Variants in MCPH1 observed in about 807,000 individuals in gnomAD.
The protein encoded by MCPH1 is microcephalin 1.
In MCPH1, 104 loss-of-function variants were observed where a neutral mutation model predicts 84.5. That is an observed-to-expected ratio of 1.23 (90% confidence interval 1.05 to 1.45). MCPH1 has a LOEUF of 1.45. Among genes scored for constraint, MCPH1 ranks in the 40% most tolerant of loss-of-function variants. The probability of loss-of-function intolerance (pLI) is 0.00; values close to 1 mark genes in which losing one functional copy is unlikely to be tolerated. For missense variants in MCPH1, 1,498 were observed against 1,005.7 expected (o/e 1.49, Z -6.62); for synonymous variants, 514 against 366.8 (o/e 1.40, Z -4.58).
At chr8:6,475,442 T>C (rs1426214650) in intron 9 of MCPH1, among the ~76,000 whole-genome samples, 3 of 152,218 alleles carry the variant, frequency 2.0e-5, no homozygotes, top group African/African-American at 2.4e-5. Context: ...TGACCATCGC[T>C]CTGGTGCTCA....
At chr8:6,493,460 G>T (rs1315926379) in intron 11 of MCPH1, among the ~76,000 whole-genome samples, 8 of 152,136 alleles carry the variant, frequency 5.3e-5, no homozygotes. Flanking sequence ...CTTCTAAAAG[G>T]GAAATGGGTT....
intron 12 of MCPH1, among the ~76,000 whole-genome samples, chr8:6,583,858 T>G (rs1354887990): frequency 6.8e-6 from 1 of 147,780 alleles, no homozygotes; most frequent in Non-Finnish European, 1.5e-5. Context: ...TCTTGTTTTG[T>G]TTTTTTTTTT....
Position 6,645,759 on chromosome 8 carries a change from G to C in MCPH1, c.*2710G>C, listed in dbSNP as rs1356073480. The C allele has an allele frequency of 6.6e-6, 1 of 151,854 alleles. No homozygotes were observed. Among genetic ancestry groups the C allele is most frequent in the Non-Finnish European group, 1.5e-5 (1 of 67,980 alleles). 9.4% of individuals were successfully genotyped at this position (151,854 alleles called of 1,614,324 possible). A position where few individuals can be genotyped will look rare whatever the true frequency, so the allele number is the denominator to read the frequency against. Reference sequence around the variant, plus strand: ...AATAAGCAATTCAAAATGAAATTAAGACCACGATTCCATTTAAAATTGCAT... The same window carrying C: ...AATAAGCAATTCAAAATGAAATTAACACCACGATTCCATTTAAAATTGCAT... On this transcript the variant is annotated 3_prime_UTR_variant, in exon 14 of 14. Coordinates refer to ENST00000344683, the MANE Select transcript of MCPH1 (RefSeq NM_024596.5).
chr8:6,637,197 T>C (rs150355230), intron 13 of MCPH1, among the ~76,000 whole-genome samples: 1 of 152,218 alleles, frequency 6.6e-6, no homozygotes, highest in Non-Finnish European at 1.5e-5. Flanking sequence ...ATACAGCCTT[T>C]GCCCTTGTGG....
chr8:6,462,117 T>TG (rs1806360370), intron 9 of MCPH1, among the ~76,000 whole-genome samples: 1 of 152,196 alleles, frequency 6.6e-6, no homozygotes, highest in South Asian at 2.1e-4. Context: ...CCTGGAGGCC[T>TG]GGAGAGATGT....
chr8:6,487,970 T>C (rs546184354), intron 11 of MCPH1, among the ~76,000 whole-genome samples: 1 of 152,376 alleles, frequency 6.6e-6, no homozygotes, highest in South Asian at 2.1e-4. Context: ...GGCATTGTTT[T>C]AAGGCAGTGA....
chr8:6,513,662 C>G (rs377411896), intron 12 of MCPH1: 5 of 1,597,548 alleles, frequency 3.1e-6, no homozygotes, highest in Admixed American at 3.5e-5. Flanking sequence ...CTTTCAATTA[C>G]CATGAACTCA....
At chr8:6,641,605 G>C (rs542273161) in intron 13 of MCPH1, among the ~76,000 whole-genome samples, 100 of 152,248 alleles carry the variant, frequency 6.6e-4, no homozygotes, top group African/African-American at 2.4e-3. Flanking sequence ...TTAACTGGGT[G>C]TGGTGGTGCA....
At chr8:6,471,779 C>A (rs953466716) in intron 9 of MCPH1, among the ~76,000 whole-genome samples, 2 of 152,084 alleles carry the variant, frequency 1.3e-5, no homozygotes, top group African/African-American at 4.8e-5. Context: ...CCAAAAGTAC[C>A]CAGCATAGTT....
At chr8:6,525,041 C>T (rs1463546047) in intron 12 of MCPH1, among the ~76,000 whole-genome samples, 1 of 152,214 alleles carries the variant, frequency 6.6e-6, no homozygotes, top group African/African-American at 2.4e-5. Context: ...GATTTCATGG[C>T]CTCTCGGGCC....
intron 12 of MCPH1, among the ~76,000 whole-genome samples, chr8:6,614,474 G>A (rs2959802): frequency 0.5 from 76,236 of 152,036 alleles, 19,936 homozygotes; most frequent in Non-Finnish European, 0.57. Flanking sequence ...CTGATTTCTC[G>A]CCCCCTCTTG....
At chr8:6,467,533 G>C (rs1018427558) in intron 9 of MCPH1, among the ~76,000 whole-genome samples, 1 of 152,074 alleles carries the variant, frequency 6.6e-6, no homozygotes, top group Non-Finnish European at 1.5e-5. Context: ...ACAAAAACGA[G>C]GGACCATGGA....
chr8:6,561,384 T>G (rs999878168), intron 12 of MCPH1, among the ~76,000 whole-genome samples: 2 of 152,234 alleles, frequency 1.3e-5, no homozygotes, highest in Admixed American at 6.5e-5. Context: ...TCACATTCAT[T>G]CATTTAAGCT....
intron 3 of MCPH1, among the ~76,000 whole-genome samples, chr8:6,422,878 C>T (rs145535569): frequency 0.01 from 1,593 of 151,876 alleles, 27 homozygotes; most frequent in African/African-American, 0.036. Context: ...TTAGTAGAGA[C>T]GGGGTTTCAC....
intron 3 of MCPH1, among the ~76,000 whole-genome samples, chr8:6,430,523 G>A (rs1451893197): frequency 6.6e-6 from 1 of 152,208 alleles, no homozygotes; most frequent in Non-Finnish European, 1.5e-5. Flanking sequence ...ACCATACTGT[G>A]CCGTACAGAG....
intron 12 of MCPH1, among the ~76,000 whole-genome samples, chr8:6,542,151 T>C (rs1821707786): frequency 6.6e-6 from 1 of 152,222 alleles, no homozygotes; most frequent in African/African-American, 2.4e-5. Flanking sequence ...GTTCTTGCCT[T>C]TCTGAATTTA....
intron 12 of MCPH1, among the ~76,000 whole-genome samples, chr8:6,597,700 G>A (rs58843762): frequency 0.017 from 2,554 of 152,210 alleles, 85 homozygotes; most frequent in African/African-American, 0.058. Flanking sequence ...TAATTTCTTC[G>A]TCTCTGGGAA....
At chr8:6,540,240 C>T (rs1472242270) in intron 12 of MCPH1, among the ~76,000 whole-genome samples, 1 of 152,156 alleles carries the variant, frequency 6.6e-6, no homozygotes, top group Non-Finnish European at 1.5e-5. Flanking sequence ...CATTTTACCT[C>T]TTTGTGTGTT....
At chr8:6,436,239 G>A (rs2129554606) in intron 5 of MCPH1, 77 bp downstream of exon 5, 1 of 1,456,942 alleles carries the variant, frequency 6.9e-7, no homozygotes, top group East Asian at 2.3e-5. Context: ...GACTAGTGGG[G>A]TTCAGCATGA....
Sources: allele counts gnomAD v4.1 joint callset (sites outside exome capture counted in the v4.1 genomes callset), GRCh38; gene constraint gnomAD v4.1.1; transcripts MANE v1.5; gene names NCBI Gene and HGNC (gene_info 2026-07-23, HGNC 2026-07-21).